Variants in FSTL5 observed in about 807,000 individuals in gnomAD.
FSTL5 encodes follistatin-related protein 5.
In FSTL5, 62 loss-of-function variants were observed where a neutral mutation model predicts 89.1. That is an observed-to-expected ratio of 0.70 (90% CI 0.57 to 0.86). The LOEUF (loss-of-function observed/expected upper bound fraction) is 0.86, where lower values mean the gene tolerates loss of function less well. Ranked by LOEUF, FSTL5 falls within the 40% of genes least tolerant of loss-of-function variation. FSTL5 has a pLI of 0.00. For synonymous variants in FSTL5, 383 were observed against 346.2 expected (o/e 1.11, Z -1.18); for missense variants, 1,057 against 1,001.6 (o/e 1.06, Z -0.75).
chr4:161,503,927 C>T (rs1730388035), intron 11 of FSTL5, among the ~76,000 whole-genome samples: 1 of 151,842 alleles, frequency 6.6e-6, no homozygotes, highest in East Asian at 1.9e-4. Flanking sequence ...ATGTCATTCA[C>T]ATTTTTTCTT....
At chr4:161,676,211 T>C (rs1021074462) in intron 6 of FSTL5, among the ~76,000 whole-genome samples, 1 of 152,072 alleles carries the variant, frequency 6.6e-6, no homozygotes, top group Non-Finnish European at 1.5e-5. Flanking sequence ...TCCAAGTAAT[T>C]CCAATCTTAT....
intron 13 of FSTL5, among the ~76,000 whole-genome samples, chr4:161,477,118 C>A (rs1243868622): frequency 3.3e-5 from 5 of 149,858 alleles, no homozygotes; most frequent in Admixed American, 6.7e-5. Context: ...ACACAATAAA[C>A]AAATCGTGCC....
chr4:161,413,358 C>T (rs376335515), intron 15 of FSTL5, among the ~76,000 whole-genome samples: 7 of 144,996 alleles, frequency 4.8e-5, no homozygotes, highest in African/African-American at 1.8e-4. Context: ...AAATGCAAAT[C>T]AAAACCACAA....
intron 3 of FSTL5, among the ~76,000 whole-genome samples, chr4:161,947,687 A>G (rs1426421136): frequency 6.6e-6 from 1 of 151,880 alleles, no homozygotes; most frequent in Non-Finnish European, 1.5e-5. Flanking sequence ...TATGTTTTTC[A>G]GAATACTTTG....
chr4:161,897,775 A>T (rs957491586), intron 4 of FSTL5, among the ~76,000 whole-genome samples: 1 of 151,700 alleles, frequency 6.6e-6, no homozygotes, highest in African/African-American at 2.4e-5. Flanking sequence ...TGTGTTGTAC[A>T]TTTGGTTCTG....
intron 15 of FSTL5, among the ~76,000 whole-genome samples, chr4:161,445,180 T>C (rs1001354639): frequency 1.3e-5 from 2 of 151,966 alleles, no homozygotes; most frequent in Non-Finnish European, 2.9e-5. Context: ...ATGAGTATTG[T>C]GCATAGGACA....
chr4:161,435,080 C>T (rs933601353), intron 15 of FSTL5, among the ~76,000 whole-genome samples: 1 of 152,072 alleles, frequency 6.6e-6, no homozygotes, highest in Admixed American at 6.5e-5. Flanking sequence ...AGGCATATAA[C>T]CCCCCAAAAA....
At chr4:162,024,229 C>T (rs568534038) in intron 3 of FSTL5, among the ~76,000 whole-genome samples, 1 of 152,244 alleles carries the variant, frequency 6.6e-6, no homozygotes, top group East Asian at 1.9e-4. Flanking sequence ...ATTCCGAATT[C>T]ACATATACCA....
At chr4:161,484,004 T>C (rs1216867365) in intron 12 of FSTL5, among the ~76,000 whole-genome samples, 2 of 152,142 alleles carry the variant, frequency 1.3e-5, no homozygotes, top group African/African-American at 4.8e-5. Context: ...CCTACATATG[T>C]ATTATACTTT....
At chr4:161,977,682 A>G (rs1055878464) in intron 3 of FSTL5, among the ~76,000 whole-genome samples, 1 of 147,176 alleles carries the variant, frequency 6.8e-6, no homozygotes, top group Non-Finnish European at 1.5e-5. Context: ...ATTTTTTTAA[A>G]AATTTGGCTA....
At chr4:161,544,845 T>G (rs533752726) in intron 8 of FSTL5, among the ~76,000 whole-genome samples, 1 of 152,138 alleles carries the variant, frequency 6.6e-6, no homozygotes, top group Admixed American at 6.6e-5. Context: ...AATGTTACCT[T>G]TCCTGATTTG....
At chr4:161,974,660 C>T (rs1735581197) in intron 3 of FSTL5, among the ~76,000 whole-genome samples, 1 of 122,526 alleles carries the variant, frequency 8.2e-6, no homozygotes, top group African/African-American at 3.2e-5. Context: ...TAGAAGAAAA[C>T]CTAGGCATTA....
intron 1 of FSTL5, among the ~76,000 whole-genome samples, chr4:162,159,791 T>G (rs764234370): frequency 3.7e-4 from 57 of 152,114 alleles, no homozygotes; most frequent in Non-Finnish European, 6.6e-4. Context: ...AACTCTTCAT[T>G]ATGCACACAT....
At chr4:161,408,275 A>G (rs1222998950) in intron 15 of FSTL5, among the ~76,000 whole-genome samples, 2 of 152,188 alleles carry the variant, frequency 1.3e-5, no homozygotes, top group Non-Finnish European at 2.9e-5. Context: ...GCTCTCAATC[A>G]GCATTTATTG....
At chr4:161,722,439 AT>A (rs147589772) in intron 6 of FSTL5, among the ~76,000 whole-genome samples, 1,827 of 152,124 alleles carry the variant, frequency 0.012, 34 homozygotes, top group African/African-American at 0.042. Context: ...AATTTCAAAT[AT>A]TTTTTTCTCC....
chr4:162,034,067 G>A (rs1439178695), intron 2 of FSTL5, among the ~76,000 whole-genome samples: 1 of 152,022 alleles, frequency 6.6e-6, no homozygotes, highest in Non-Finnish European at 1.5e-5. Flanking sequence ...CTCTCAAAAT[G>A]CTAAGATTAG....
intron 3 of FSTL5, among the ~76,000 whole-genome samples, chr4:161,948,118 A>T (rs918165286): frequency 3.4e-5 from 5 of 148,060 alleles, no homozygotes; most frequent in African/African-American, 1.2e-4. Flanking sequence ...CTCTACAGAA[A>T]ATTTAAAAAA....
At chr4:161,947,600 T>C (rs9994074) in intron 3 of FSTL5, among the ~76,000 whole-genome samples, 49,174 of 152,046 alleles carry the variant, frequency 0.32, 9,678 homozygotes, top group Non-Finnish European at 0.43. Flanking sequence ...ATCTATTTTT[T>C]AATTACTGTA....
chr4:161,934,026 TC>T, intron 3 of FSTL5, among the ~76,000 whole-genome samples: 1 of 151,828 alleles, frequency 6.6e-6, no homozygotes, highest in Non-Finnish European at 1.5e-5. Context: ...AGCATTTTCT[TC>T]CCATCATTTG....
Sources: gnomAD v4.1 joint callset for allele counts (sites outside exome capture counted in the v4.1 genomes callset) on GRCh38, gnomAD v4.1.1 for gene constraint, MANE v1.5 for transcripts, NCBI Gene and HGNC (gene_info 2026-07-23, HGNC 2026-07-21) for gene names.